The following SEMA5B variants were observed in gnomAD, a reference collection of about 807,000 sequenced individuals.
The protein encoded by SEMA5B is semaphorin 5B.
SEMA5B carries 66 observed loss-of-function variants against 135.0 expected under a neutral mutation model. The observed-to-expected ratio is 0.49, with a 90% confidence interval of 0.40 to 0.60. The LOEUF is 0.60. Among genes scored for constraint, SEMA5B ranks in the 20% least tolerant of loss-of-function variants. The pLI is 0.00. For synonymous variants in SEMA5B, 690 were observed against 639.5 expected (o/e 1.08, Z -1.19); for missense variants, 1,501 against 1,566.3 (o/e 0.96, Z 0.70).
intron 2 of SEMA5B, among the ~76,000 whole-genome samples, chr3:122,956,365 G>C (rs1408107702): frequency 6.6e-6 from 1 of 152,288 alleles, no homozygotes; most frequent in Non-Finnish European, 1.5e-5. Context: ...GCCCCCTGAG[G>C]CCTCCCCACC....
chr3:122,991,136 AG>A (rs1275732100), intron 1 of SEMA5B, among the ~76,000 whole-genome samples: 1 of 152,200 alleles, frequency 6.6e-6, no homozygotes, highest in African/African-American at 2.4e-5. Flanking sequence ...GACCCAAACC[AG>A]CAGCCGAGCC....
At chr3:122,911,462 C>T in intron 21 of SEMA5B, 29 bp downstream of exon 21, 3 of 1,598,492 alleles carry the variant, frequency 1.9e-6, no homozygotes, top group Non-Finnish European at 2.6e-6. Context: ...GGGAGGACCG[C>T]AGCATGAGGT....
intron 1 of SEMA5B, among the ~76,000 whole-genome samples, chr3:123,026,394 C>A (rs1044218063): frequency 6.6e-6 from 1 of 151,976 alleles, no homozygotes; most frequent in African/African-American, 2.4e-5. Context: ...TCTCGGCCCA[C>A]TCCCGCCTGG....
At chr3:123,023,125 C>T (rs1942726919) in intron 1 of SEMA5B, among the ~76,000 whole-genome samples, 1 of 152,156 alleles carries the variant, frequency 6.6e-6, no homozygotes, top group East Asian at 1.9e-4. Context: ...TCCACACAAG[C>T]TATAAATGAA....
chr3:122,939,456 C>T lies in SEMA5B; in HGVS notation c.443G>A (p.Arg148Lys). ...AAGAGAGACATTGGCAAGGCTGAGT[C>T]TGAAGAGGTAGTTCCTGTGAAAATG... The part of the protein sequence containing the change: ...LIVGARNYLF[R>K]LSLANVSLLQ... Residue 148 changes from arginine to lysine, a missense_variant, in exon 5 of 23, where the codon AGA becomes AAA. This residue lies in a region of SEMA5B where 574 missense variants were observed against 684.7 expected (regional missense o/e 0.84). Transcript: ENST00000357599. 6.2e-7 allele frequency: 1 copy of T among 1,612,994 alleles called. No individual in the cohort carries two copies. Among genetic ancestry groups the T allele is most frequent in the Non-Finnish European group, 8.5e-7 (1 of 1,178,934 alleles).
Position 122,966,356 on chromosome 3 carries a change from C to G in SEMA5B, c.-38-5055G>C, listed in dbSNP as rs745560404. On this transcript the variant is annotated intron_variant, in intron 1 of 22. Coordinates refer to ENST00000357599, the MANE Select transcript of SEMA5B (RefSeq NM_001031702.4). ...AAGAGGTTTGTGACTTAAAGAGTTG[C>G]TCAGAGAAGAGCCCCTCCTAAAAAG... is the stretch of plus-strand genomic sequence containing the variant. Among the ~76,000 whole-genome samples the G allele has an allele frequency of 3.9e-5, 6 of 152,136 alleles. No homozygotes were observed. In the South Asian group the frequency reaches 1.0e-3, roughly 26 times the overall value.
chr3:123,010,343 A>T (rs1942410294), intron 1 of SEMA5B, among the ~76,000 whole-genome samples: 1 of 152,224 alleles, frequency 6.6e-6, no homozygotes, highest in Admixed American at 6.5e-5. Context: ...CACCTCTAAA[A>T]TGGGTATAAC....
In SEMA5B at chr3:122,915,931, C is replaced by T. The variant is rs369678708; in HGVS notation, c.1689-41G>A. ...CCTGAGATTCAAGCCCACTGGCTTC[C>T]CAGCCTCACCTGCATCTCAGGAACA... On this transcript the variant is annotated intron_variant, in intron 12 of 22. Coordinates refer to ENST00000357599, the MANE Select transcript of SEMA5B (RefSeq NM_001031702.4). 1.3e-5 allele frequency: 19 copies of T among 1,484,504 alleles called. No individual in the cohort carries two copies. In the African/African-American group the frequency reaches 1.8e-4, roughly 14 times the overall value. The allele number at this position is 1,484,504 out of a possible 1,614,324, so 92.0% of individuals were successfully genotyped here. A position where few individuals can be genotyped will look rare whatever the true frequency, so the allele number is the denominator to read the frequency against.
intron 2 of SEMA5B, among the ~76,000 whole-genome samples, chr3:122,955,485 A>G (rs1468209902): frequency 6.6e-6 from 1 of 152,252 alleles, no homozygotes; most frequent in Non-Finnish European, 1.5e-5. Context: ...TATCCCATAC[A>G]GTTTGGTTTC....
At chr3:123,021,484 A>T (rs1306488176) in intron 1 of SEMA5B, among the ~76,000 whole-genome samples, 2 of 152,154 alleles carry the variant, frequency 1.3e-5, no homozygotes, top group Non-Finnish European at 2.9e-5. Flanking sequence ...AAGAGGCCTG[A>T]GTTGGGTGCT....
rs780419988 is a variant in SEMA5B, at chr3:122,926,407, A to T, written c.1121T>A (p.Val374Asp). 6.2e-7 allele frequency: 1 copy of T among 1,611,522 alleles called. No homozygotes were observed. The highest frequency in any genetic ancestry group is 1.3e-5 in the African/African-American group (1 of 74,928). The change falls in exon 9 of 23, where the codon GTT (valine) becomes GAT (aspartate). Residue 374 changes from valine (V) to aspartate (D), a missense_variant. Around this residue, in one of 2 missense-constraint regions of SEMA5B, gnomAD observed 574 missense variants for 684.7 expected, o/e 0.84. Transcript: ENST00000357599. ...CAGGACTCACACGTTGGTTGTGAAA[A>T]CTCCATAGATGAGGTCCTGCTCCGG... ...HLPEQDLIYG[V>D]FTTNVNSIAA...
intron 1 of SEMA5B, among the ~76,000 whole-genome samples, chr3:122,965,610 A>C (rs1360116030): frequency 6.6e-6 from 1 of 152,214 alleles, no homozygotes; most frequent in Non-Finnish European, 1.5e-5. Flanking sequence ...AGCTGCTGCC[A>C]CTTCCGAAAC....
In SEMA5B at chr3:122,912,073, G is replaced by T. The variant is rs1176477972; in HGVS notation, c.2897-4C>A. 3 of 1,607,888 alleles carry T rather than the reference G, an allele frequency of 1.9e-6. No individual in the cohort carries two copies. The highest frequency in any genetic ancestry group is 1.7e-5 in the Admixed American group (1 of 59,760). ...TCAGACCAGGGCGACCAGCCTTCTGGGGATTGTGGGTAGGATGAGGTTAAC... is the reference window on the plus strand; with the variant it reads ...TCAGACCAGGGCGACCAGCCTTCTGTGGATTGTGGGTAGGATGAGGTTAAC... On this transcript the variant is annotated splice_region_variant and splice_polypyrimidine_tract_variant and intron_variant, in intron 19 of 22. Transcript: ENST00000357599.
At chr3:122,966,556 T>TATTA (rs1560378765) in intron 1 of SEMA5B, among the ~76,000 whole-genome samples, 2 of 149,476 alleles carry the variant, frequency 1.3e-5, no homozygotes, top group African/African-American at 4.9e-5. Context: ...TTATTATTAT[T>TATTA]ATTATTATTA....
At chr3:122,952,604 A>C (rs1429087661) in intron 2 of SEMA5B, among the ~76,000 whole-genome samples, 1 of 152,214 alleles carries the variant, frequency 6.6e-6, no homozygotes. Context: ...ATCGACTAGC[A>C]TGAGTCATTC....
chr3:122,923,487 G>C, intron 10 of SEMA5B, 130 bp downstream of exon 10: 1 of 1,021,760 alleles, frequency 9.8e-7, no homozygotes, highest in South Asian at 1.5e-5. Context: ...GTGGACCCCA[G>C]AGATGGGCAT....
chr3:122,968,327 C>A (rs557345832), intron 1 of SEMA5B, among the ~76,000 whole-genome samples: 1 of 152,318 alleles, frequency 6.6e-6, no homozygotes, highest in Non-Finnish European at 1.5e-5. Flanking sequence ...TCCTCTGGAC[C>A]ATTTACACAG....
chr3:122,978,313 C>G (rs1941404066), intron 1 of SEMA5B, among the ~76,000 whole-genome samples: 2 of 152,180 alleles, frequency 1.3e-5, no homozygotes, highest in African/African-American at 4.8e-5. Context: ...AGTCGGTTGC[C>G]CCTGAAAAGA....
At chr3:122,961,997 C>T (rs1272402171) in intron 1 of SEMA5B, among the ~76,000 whole-genome samples, 1 of 152,220 alleles carries the variant, frequency 6.6e-6, no homozygotes, top group African/African-American at 2.4e-5. Context: ...TGTTGCCTCT[C>T]CCGTGGACCA....
Sources: gnomAD v4.1 joint callset for allele counts (sites outside exome capture counted in the v4.1 genomes callset) on GRCh38, gnomAD v4.1.1 for gene constraint, gnomAD v4.1.1 regional missense constraint, MANE v1.5 for transcripts, NCBI Gene and HGNC (gene_info 2026-07-23, HGNC 2026-07-21) for gene names.